Variants in PPARGC1A observed in about 807,000 individuals in gnomAD.
The protein encoded by PPARGC1A is PPARG coactivator 1 alpha.
PPARGC1A carries 25 observed loss-of-function variants against 88.7 expected under a neutral mutation model. The ratio of observed to expected loss-of-function variants is 0.28; its 90% CI spans 0.21 to 0.39. PPARGC1A has a LOEUF of 0.39. PPARGC1A is among the 10% of genes least tolerant of loss of function. The pLI is 1.00. For synonymous variants in PPARGC1A, 363 were observed against 355.6 expected (o/e 1.02, Z -0.24); for missense variants, 880 against 968.7 (o/e 0.91, Z 1.22).
chr4:24,257,511 A>G, the PPARGC1A span, among the ~76,000 whole-genome samples: 5 of 152,168 alleles, frequency 3.3e-5, no homozygotes, highest in African/African-American at 4.8e-5. Context: ...CACCAATTCA[A>G]TGGAGAAAAT....
intron 2 of PPARGC1A, among the ~76,000 whole-genome samples, chr4:23,850,391 G>T (rs866162822): frequency 1.3e-5 from 2 of 152,124 alleles, no homozygotes; most frequent in Admixed American, 6.5e-5. Flanking sequence ...TGTCATAAAG[G>T]CCAAGTGAAA....
the PPARGC1A span, among the ~76,000 whole-genome samples, chr4:23,953,919 T>A: frequency 6.6e-6 from 1 of 152,042 alleles, no homozygotes; most frequent in Admixed American, 6.6e-5. Context: ...CATACATTGT[T>A]ATGAAGATTT....
chr4:23,802,643 CT>C (rs1278601681), intron 10 of PPARGC1A, among the ~76,000 whole-genome samples: 5 of 129,612 alleles, frequency 3.9e-5, no homozygotes, highest in Non-Finnish European at 4.7e-5. Context: ...TGCCACTGCA[CT>C]TCAGCATGGG....
the PPARGC1A span, among the ~76,000 whole-genome samples, chr4:24,334,610 C>T: frequency 6.6e-6 from 1 of 152,164 alleles, no homozygotes; most frequent in Non-Finnish European, 1.5e-5. Context: ...CATCAGTATC[C>T]ACAGATTCTG....
the PPARGC1A span, among the ~76,000 whole-genome samples, chr4:24,174,678 G>A: frequency 1.2e-4 from 18 of 152,150 alleles, no homozygotes; most frequent in Non-Finnish European, 2.4e-4. Flanking sequence ...TGTCAGAGCT[G>A]GGTTCCAACC....
In PPARGC1A at chr4:23,802,676, C is replaced by CAAAAA. The variant is rs397823520; in HGVS notation, c.2020-336_2020-332dup. Among the ~76,000 whole-genome samples, 33 of 26,066 alleles carry CAAAAA rather than the reference C, an allele frequency of 1.3e-3. 1 individual carries two copies. Among genetic ancestry groups the CAAAAA allele is most frequent in the East Asian group, 1.9e-3 (1 of 540 alleles). The allele number at this position is 26,066 out of a possible 152,430, so 17.1% of individuals were successfully genotyped here. A position where few individuals can be genotyped will look rare whatever the true frequency, so the allele number is the denominator to read the frequency against. On this transcript the variant is annotated intron_variant, in intron 10 of 12. Transcript: ENST00000264867. ...TGGGCGAGAGAGCGAGACTCCATCT[C>CAAAAA]AAAAAAAAAAAAAAAAAAAAAAAAA...
the PPARGC1A span, among the ~76,000 whole-genome samples, chr4:24,333,760 C>G: frequency 4.0e-5 from 6 of 151,806 alleles, no homozygotes; most frequent in South Asian, 1.3e-3. Flanking sequence ...ATGGTAAAAC[C>G]CTGATTCTAC....
chr4:24,031,591 C>G, the PPARGC1A span, among the ~76,000 whole-genome samples: 1 of 152,272 alleles, frequency 6.6e-6, no homozygotes, highest in Admixed American at 6.5e-5. Flanking sequence ...TCAGCCCAGG[C>G]ACTACTCACA....
intron 2 of PPARGC1A, among the ~76,000 whole-genome samples, chr4:23,878,272 A>G (rs1031646993): frequency 6.6e-6 from 1 of 152,066 alleles, no homozygotes; most frequent in African/African-American, 2.4e-5. Flanking sequence ...GCACTTTCTG[A>G]AATCCTTGTG....
intron 2 of PPARGC1A, among the ~76,000 whole-genome samples, chr4:23,868,349 C>T (rs1387331126): frequency 6.6e-6 from 1 of 151,134 alleles, no homozygotes; most frequent in Non-Finnish European, 1.5e-5. Context: ...GTTTATAAAC[C>T]ATCTCTTGGA....
At chr4:23,835,466 T>TTGTGTGTGTGTGTGTGTGTG (rs145407468) in intron 2 of PPARGC1A, among the ~76,000 whole-genome samples, 29 of 135,364 alleles carry the variant, frequency 2.1e-4, no homozygotes, top group Middle Eastern at 3.8e-3. Context: ...GCATGGCGGC[T>TTGTGTGTGTGTGTGTGTGTG]TGTGTGTGTG....
the PPARGC1A span, among the ~76,000 whole-genome samples, chr4:24,073,683 C>A: frequency 2.0e-5 from 3 of 152,186 alleles, no homozygotes; most frequent in South Asian, 6.2e-4. Flanking sequence ...GCTACTACTA[C>A]TATCACCATT....
At chr4:24,387,890 GAA>G in the PPARGC1A span, among the ~76,000 whole-genome samples, 190 of 109,188 alleles carry the variant, frequency 1.7e-3, 18 homozygotes, top group African/African-American at 6.2e-3. Flanking sequence ...AAGAAAGAAA[GAA>G]AGAAAAAGAA....
the PPARGC1A span, among the ~76,000 whole-genome samples, chr4:24,015,972 C>T: frequency 6.6e-6 from 1 of 152,178 alleles, no homozygotes; most frequent in African/African-American, 2.4e-5. Context: ...CATGAGTTCA[C>T]TGGAAGCTGA....
chr4:24,372,900 C>T, the PPARGC1A span, among the ~76,000 whole-genome samples: 1 of 152,204 alleles, frequency 6.6e-6, no homozygotes, highest in Non-Finnish European at 1.5e-5. Flanking sequence ...TCTGTGCTCA[C>T]AGAGGAGAGA....
the PPARGC1A span, among the ~76,000 whole-genome samples, chr4:24,071,049 A>G: frequency 2.0e-5 from 3 of 152,328 alleles, no homozygotes; most frequent in South Asian, 6.2e-4. Flanking sequence ...CTAACCTAAC[A>G]TGACTTAGCT....
the PPARGC1A span, among the ~76,000 whole-genome samples, chr4:24,415,921 T>C: frequency 6.6e-6 from 1 of 152,128 alleles, no homozygotes; most frequent in African/African-American, 2.4e-5. Flanking sequence ...CTCCTACCCA[T>C]GAGGAGATTA....
chr4:24,008,704 T>TA, the PPARGC1A span, among the ~76,000 whole-genome samples: 1,786 of 150,454 alleles, frequency 0.012, 16 homozygotes, highest in East Asian at 0.041. Flanking sequence ...GCTTTTGATA[T>TA]AAAAAAAAAA....
chr4:23,998,073 G>T, the PPARGC1A span, among the ~76,000 whole-genome samples: 3 of 152,126 alleles, frequency 2.0e-5, no homozygotes, highest in Admixed American at 2.0e-4. Context: ...TGGCTAATAC[G>T]ACCTCAGTTC....
Sources: gnomAD v4.1 joint callset for allele counts (sites outside exome capture counted in the v4.1 genomes callset) on GRCh38, gnomAD v4.1.1 for gene constraint, MANE v1.5 for transcripts, NCBI Gene and HGNC (gene_info 2026-07-23, HGNC 2026-07-21) for gene names.